The following LPA variants were observed in gnomAD, a reference collection of about 807,000 sequenced individuals.
LPA encodes the protein lipoprotein(a).
A neutral mutation model predicts 197.9 loss-of-function variants in LPA; 199 were observed. The observed-to-expected ratio is 1.01, with a 90% CI of 0.90 to 1.13. The LOEUF is 1.13. Among genes scored for constraint, LPA ranks in the 50% most tolerant of loss-of-function variants. LPA has a pLI of 0.00. For missense variants in LPA, 1,853 were observed against 1,785.8 expected, an observed-to-expected ratio of 1.04 and a Z score of -0.68; for synonymous variants, 715 against 639.5, an observed-to-expected ratio of 1.12 and a Z score of -1.78.
chr6:160,574,763 C>T (rs543022209), intron 28 of LPA, among the ~76,000 whole-genome samples: 1 of 152,164 alleles, frequency 6.6e-6, no homozygotes, highest in African/African-American at 2.4e-5. Flanking sequence ...GGGGTGTCTC[C>T]CTTATCCTGC....
intron 28 of LPA, among the ~76,000 whole-genome samples, chr6:160,570,493 G>A (rs1778543573): frequency 6.6e-6 from 1 of 152,150 alleles, no homozygotes; most frequent in Non-Finnish European, 1.5e-5. Flanking sequence ...CATGGGATGG[G>A]GGGAGTGGGG....
intron 8 of LPA, 131 bp downstream of exon 8, chr6:160,633,618 TCATC>T: frequency 1.1e-6 from 1 of 921,722 alleles, no homozygotes; most frequent in African/African-American, 3.1e-5. Flanking sequence ...TCCAAGGCAA[TCATC>T]CTGAGACATT....
intron 30 of LPA, among the ~76,000 whole-genome samples, chr6:160,551,915 T>G (rs1326973013): frequency 1.3e-5 from 1 of 75,416 alleles, no homozygotes; most frequent in East Asian, 2.2e-4. Flanking sequence ...CACATATCCT[T>G]TTTTTTTTTT....
chr6:160,578,766 C>A, intron 26 of LPA, 62 bp from the exon 27 acceptor site: 1 of 1,611,562 alleles, frequency 6.2e-7, no homozygotes, highest in Non-Finnish European at 8.5e-7. Flanking sequence ...GCACTTAGCG[C>A]CCTCTACATT....
rs774074425 is a variant in LPA, at chr6:160,556,120, G to T, written c.4878C>A (p.Gly1626=). The change falls in exon 30 of 39, where the codon GGC becomes GGA. Residue 1626 remains glycine, a synonymous_variant. Transcript: ENST00000316300. ...TTCCTGTGACAGTGGTGGAGAATGT[G>T]CCTCGATAACTCTGGCCATTACCAT... ...CYHGNGQSYR[G]TFSTTVTGRT... The T allele has an allele frequency of 1.9e-6, 3 of 1,613,988 alleles. No homozygotes were observed. Among genetic ancestry groups the T allele is most frequent in the Non-Finnish European group, 2.5e-6 (3 of 1,179,978 alleles).
intron 16 of LPA, among the ~76,000 whole-genome samples, chr6:160,610,735 T>A (rs559713980): frequency 6.6e-6 from 1 of 152,140 alleles, no homozygotes; most frequent in African/African-American, 2.4e-5. Flanking sequence ...CTCAGCTAGA[T>A]GGCTACAGGC....
chr6:160,565,995 G>T (rs1187668530), intron 28 of LPA, among the ~76,000 whole-genome samples: 1 of 152,120 alleles, frequency 6.6e-6, no homozygotes, highest in African/African-American at 2.4e-5. Flanking sequence ...GGAGTAAAAA[G>T]AAATGAACAA....
chr6:160,654,584 T>C (rs1280447026), intron 1 of LPA, among the ~76,000 whole-genome samples: 1 of 152,074 alleles, frequency 6.6e-6, no homozygotes, highest in Non-Finnish European at 1.5e-5. Flanking sequence ...AAGACAATAA[T>C]AAGGTCATAA....
chr6:160,536,137 G>A (rs1777891004), intron 37 of LPA, among the ~76,000 whole-genome samples: 2 of 152,304 alleles, frequency 1.3e-5, no homozygotes, highest in African/African-American at 4.8e-5. Context: ...ATAATTGGGA[G>A]AGTGGCCTTT....
At chr6:160,576,087 T>C (rs1423741088) in intron 28 of LPA, among the ~76,000 whole-genome samples, 1 of 152,058 alleles carries the variant, frequency 6.6e-6, no homozygotes, top group East Asian at 1.9e-4. Flanking sequence ...TACACTACTA[T>C]CTGTTGTGCA....
intron 30 of LPA, among the ~76,000 whole-genome samples, chr6:160,553,937 C>CTCTGTG (rs372637630): frequency 7.2e-6 from 1 of 139,066 alleles, no homozygotes; most frequent in African/African-American, 2.7e-5. Flanking sequence ...CTCTCTCTCT[C>CTCTGTG]TGTGTGTGTG....
rs181828211 is a variant in LPA at position 160,557,257 on chromosome 6, T to C, written c.4813+133A>G. On this transcript the variant is annotated intron_variant, in intron 29 of 38. Transcript: ENST00000316300. ...CCAAAAATTGCTCCACCAGAGAGAG[T>C]GCTGAGGCTTCTTTCCACCTGCCAT... 5.5e-6 allele frequency: 6 copies of C among 1,096,550 alleles called. No homozygotes were observed. In the African/African-American group the frequency reaches 9.3e-5, roughly 17 times the overall value. The allele number at this position is 1,096,550 out of a possible 1,614,324, so 67.9% of individuals were successfully genotyped here.
chr6:160,558,978 A>G (rs1412943549), intron 28 of LPA, among the ~76,000 whole-genome samples: 1 of 152,220 alleles, frequency 6.6e-6, no homozygotes, highest in African/African-American at 2.4e-5. Context: ...TGGATGTGCT[A>G]AAAGGCTGAG....
rs553623398 is a variant in LPA, at chr6:160,590,852, T to C, written c.3787+92A>G. The C allele has an allele frequency of 8.2e-5, 126 of 1,531,670 alleles. No individual in the cohort carries two copies. In the African/African-American group the frequency reaches 1.6e-3, roughly 19 times the overall value. 94.9% of individuals were successfully genotyped at this position (1,531,670 alleles called of 1,614,324 possible). A position where few individuals can be genotyped will look rare whatever the true frequency, so the allele number is the denominator to read the frequency against. On this transcript the variant is annotated intron_variant, in intron 23 of 38. Coordinates refer to ENST00000316300, the MANE Select transcript of LPA (RefSeq NM_005577.4). ...CCCTGAGTCCACATTCAGATTCCCG[T>C]GCAGCATGGAAGGCTTCTGTATCAC...
At chr6:160,577,006 T>A in intron 28 of LPA, 130 bp downstream of exon 28, 2 of 1,063,240 alleles carry the variant, frequency 1.9e-6, no homozygotes, top group Non-Finnish European at 2.9e-6. Flanking sequence ...AAAGCAAAGG[T>A]CCTGAGACAT....
chr6:160,571,814 A>C (rs1272592885), intron 28 of LPA, among the ~76,000 whole-genome samples: 1 of 152,160 alleles, frequency 6.6e-6, no homozygotes, highest in Non-Finnish European at 1.5e-5. Flanking sequence ...GCTGGGCTCC[A>C]TGGGGGTGGG....
chr6:160,547,726 C>G (rs1013583175), intron 32 of LPA, 63 bp downstream of exon 32: 1 of 1,608,950 alleles, frequency 6.2e-7, no homozygotes, highest in Non-Finnish European at 8.5e-7. Context: ...TTTCCTCTGC[C>G]CCTCTTCTGT....
rs199788679 is a variant in LPA at position 160,605,157 on chromosome 6, C to T, written c.2834G>A (p.Gly945Glu). ...GAAGTATGTGCCTTGATAACTCTGT[C>T]CATTTCCGTGGTAGCACTCCTGCAC... ...PGVQECYHGN[G>E]QSYQGTYFIT... The change falls in exon 18 of 39, where the codon GGA becomes GAA. Residue 945 changes from glycine (G) to glutamate (E), a missense_variant. By Grantham distance (98) the Gly-to-Glu change is moderately conservative (BLOSUM62 -2). This residue lies in a region of LPA where 1,737 missense variants were observed against 1,504.4 expected (regional missense o/e 1.15). Coordinates refer to ENST00000316300, the MANE Select transcript of LPA (RefSeq NM_005577.4). The T allele has an allele frequency of 6.2e-7, 1 of 1,613,962 alleles. No homozygotes were observed.
intron 16 of LPA, among the ~76,000 whole-genome samples, chr6:160,607,916 G>C (rs1779393357): frequency 6.6e-6 from 1 of 152,034 alleles, no homozygotes; most frequent in Non-Finnish European, 1.5e-5. Context: ...ATATCTCCTT[G>C]AACCCACACA....
Sources: gnomAD v4.1 joint callset for allele counts (sites outside exome capture counted in the v4.1 genomes callset) on GRCh38, gnomAD v4.1.1 for gene constraint, gnomAD v4.1.1 regional missense constraint, MANE v1.5 for transcripts, NCBI Gene and HGNC (gene_info 2026-07-23, HGNC 2026-07-21) for gene names.